PIGG: variants seen among roughly 807,000 people sequenced by gnomAD.
The protein encoded by PIGG is phosphatidylinositol glycan anchor biosynthesis class G (EMM blood group), also known as GPI ethanolamine phosphate transferase 2, catalytic subunit.
Under a neutral mutation model 83.2 loss-of-function variants are expected in PIGG, and 70 were observed. The observed-to-expected ratio is 0.84, with a 90% CI of 0.69 to 1.03. PIGG has a LOEUF of 1.03. Ranked by LOEUF, PIGG falls within the 50% of genes least tolerant of loss-of-function variation. The probability of loss-of-function intolerance (pLI) is 0.00; values close to 1 mark genes in which losing one functional copy is unlikely to be tolerated. For synonymous variants in PIGG, 532 were observed against 519.5 expected (o/e 1.02, Z -0.33); for missense variants, 1,257 against 1,233.6 (o/e 1.02, Z -0.28).
chr4:499,719 C>T lies in PIGG; in HGVS notation c.154+230C>T, dbSNP rs190369535. On this transcript the variant is annotated intron_variant, in intron 1 of 12. Coordinates refer to ENST00000453061, the MANE Select transcript of PIGG (RefSeq NM_001127178.3). ...CCACTTCGACCTTCCTTCCTGATCA[C>T]CACAAAGTAAGCTGTGTCCATACCT... 16 of 1,388,732 alleles carry T rather than the reference C, an allele frequency of 1.2e-5. No homozygotes were observed. The Admixed American group carries it at 4.9e-4, about 43-fold the overall frequency. The allele number at this position is 1,388,732 out of a possible 1,614,324, so 86.0% of individuals were successfully genotyped here.
intron 5 of PIGG, among the ~76,000 whole-genome samples, chr4:511,536 CTG>C (rs1437809264): frequency 1.3e-5 from 2 of 152,162 alleles, no homozygotes; most frequent in Admixed American, 6.5e-5. Context: ...CCCGCCACCT[CTG>C]TGCTGTTATT....
chr4:520,026 T>C (rs1489646324), intron 6 of PIGG, among the ~76,000 whole-genome samples: 2 of 152,008 alleles, frequency 1.3e-5, no homozygotes, highest in African/African-American at 4.8e-5. Flanking sequence ...CCGGCAGCAG[T>C]GGGGCGGGCC....
chr4:527,496 T>G (rs1350673064), intron 10 of PIGG: 2 of 1,241,934 alleles, frequency 1.6e-6, no homozygotes, highest in Non-Finnish European at 2.0e-6. Flanking sequence ...AAGTAAGATT[T>G]TTTAAATTTA....
intron 2 of PIGG, among the ~76,000 whole-genome samples, chr4:502,879 A>G (rs997159784): frequency 3.3e-5 from 5 of 151,836 alleles, no homozygotes; most frequent in Non-Finnish European, 7.4e-5. Context: ...TGAAGAAATT[A>G]TTGACAGTGG....
chr4:517,329 T>C (rs141168611), intron 6 of PIGG, among the ~76,000 whole-genome samples: 161 of 152,228 alleles, frequency 1.1e-3, no homozygotes, highest in Admixed American at 3.2e-3. Flanking sequence ...CTGGAAAGAT[T>C]CTGAAGGTCA....
At chr4:510,460 G>A (rs782131995) in intron 5 of PIGG, among the ~76,000 whole-genome samples, 14 of 152,326 alleles carry the variant, frequency 9.2e-5, no homozygotes, top group Middle Eastern at 3.4e-3. Context: ...GGGCGTCATG[G>A]CCATCATGAA....
chr4:526,259 C>T (rs535136363), intron 9 of PIGG, among the ~76,000 whole-genome samples: 41 of 152,366 alleles, frequency 2.7e-4, no homozygotes, highest in African/African-American at 9.4e-4. Flanking sequence ...CCCAGGTACC[C>T]CTTCCCGGGG....
chr4:499,424 C>G lies in PIGG; in HGVS notation c.89C>G (p.Ala30Gly). The G allele has an allele frequency of 1.9e-6, 3 of 1,607,786 alleles. No homozygotes were observed. Among genetic ancestry groups the G allele is most frequent in the Non-Finnish European group, 2.5e-6 (3 of 1,179,724 alleles). The change falls in exon 1 of 13, where the codon GCT becomes GGT. Residue 30 changes from alanine (A) to glycine (G), a missense_variant. Coordinates refer to ENST00000453061, the MANE Select transcript of PIGG (RefSeq NM_001127178.3). ...IAVFLRGFFPAPVRSSARAEH... is the reference protein window; with the variant it reads ...IAVFLRGFFPGPVRSSARAEH... ...GTCTTCCTTCGGGGATTCTTCCCGGCTCCCGTTCGTTCCTCTGCCAGAGCG... is the reference window on the plus strand; with the variant it reads ...GTCTTCCTTCGGGGATTCTTCCCGGGTCCCGTTCGTTCCTCTGCCAGAGCG...
intron 10 of PIGG, 174 bp downstream of exon 10, chr4:527,404 T>G: frequency 7.4e-7 from 1 of 1,350,576 alleles, no homozygotes; most frequent in Non-Finnish European, 9.5e-7. Context: ...GCTACTGGAG[T>G]GTAACTAAGA....
chr4:507,399 T>C lies in PIGG; in HGVS notation c.571-6T>C. ...AGTTGTTTATACGTGTGTTTCCCCT[T>C]CAAAGGTGGATAATAATGTCACGAG... On this transcript the variant is annotated splice_polypyrimidine_tract_variant and splice_region_variant and intron_variant, in intron 3 of 12. Coordinates refer to ENST00000453061, the MANE Select transcript of PIGG (RefSeq NM_001127178.3). 1 of 1,604,546 alleles carries C rather than the reference T, an allele frequency of 6.2e-7. No individual in the cohort carries two copies. The highest frequency in any genetic ancestry group is 8.5e-7 in the Non-Finnish European group (1 of 1,173,028).
Position 515,920 on chromosome 4 carries a change from A to G in PIGG, c.902-53A>G, listed in dbSNP as rs538614010. On this transcript the variant is annotated intron_variant, in intron 5 of 12. Transcript: ENST00000453061. The surrounding 1 kb of genome is among the most constrained non-coding windows in gnomAD (Gnocchi z 4.2). ...TAGAAGGTCTAATTCAAGAATGAGT[A>G]CCATCTTACACTTTCTAGAAGTCTG... is the stretch of plus-strand genomic sequence containing the variant. The G allele has an allele frequency of 2.3e-3, 3,253 of 1,390,318 alleles. 10 individuals carry two copies. The highest frequency in any genetic ancestry group is 2.7e-3 in the Non-Finnish European group (2,653 of 976,768). The allele number at this position is 1,390,318 out of a possible 1,614,324, so 86.1% of individuals were successfully genotyped here.
intron 9 of PIGG, chr4:525,099 T>A: frequency 1.3e-6 from 1 of 749,060 alleles, no homozygotes. Context: ...GCAGCCTCTG[T>A]GGGCCAGCTT....
At chr4:538,596 A>C (rs545383054) in intron 12 of PIGG, among the ~76,000 whole-genome samples, 4 of 152,366 alleles carry the variant, frequency 2.6e-5, no homozygotes, top group African/African-American at 9.6e-5. Context: ...GCTGTTTTAC[A>C]GATGACGGTG....
At position 533,975 on chromosome 4, in the gene PIGG, C is replaced by T. The variant is rs1553900095; in HGVS notation, c.2729C>T (p.Thr910Ile). 1 of 1,614,044 alleles carries T rather than the reference C, an allele frequency of 6.2e-7. No homozygotes were observed. Among genetic ancestry groups the T allele is most frequent in the Non-Finnish European group, 8.5e-7 (1 of 1,179,874 alleles). Reference sequence around the variant, plus strand: ...TTAGTGCACTTCCTGAGCTCAGAAACACGCAGGTGAGGCGCCTCTCTGCCG... The same window carrying T: ...TTAGTGCACTTCCTGAGCTCAGAAATACGCAGGTGAGGCGCCTCTCTGCCG... ...SHLVHFLSSE[T>I]RSGSALSHAC... Residue 910 changes from threonine (T) to isoleucine (I), a missense_variant, in exon 12 of 13, where the codon ACA (threonine) becomes ATA (isoleucine). Coordinates refer to ENST00000453061, the MANE Select transcript of PIGG (RefSeq NM_001127178.3).
intron 10 of PIGG, 36 bp downstream of exon 10, chr4:527,266 C>G: frequency 6.5e-7 from 1 of 1,532,608 alleles, no homozygotes. Context: ...CATAGAGCCA[C>G]TTTACTGTTT....
chr4:535,356 T>A (rs1407275183), intron 12 of PIGG, among the ~76,000 whole-genome samples: 1 of 109,794 alleles, frequency 9.1e-6, no homozygotes, highest in Non-Finnish European at 1.8e-5. Context: ...TCCACGCTTG[T>A]CCCTGCTGCC....
chr4:529,280 T>C (rs1351169998), intron 10 of PIGG, among the ~76,000 whole-genome samples: 1 of 152,212 alleles, frequency 6.6e-6, no homozygotes, highest in Non-Finnish European at 1.5e-5. Flanking sequence ...CTCCCTTCTT[T>C]GAATGCAGAT....
At chr4:525,359 TA>T in intron 9 of PIGG, 1 of 985,404 alleles carries the variant, frequency 1.0e-6, no homozygotes, top group Non-Finnish European at 1.2e-6. Flanking sequence ...CTTAGGAAAC[TA>T]AAGCAAAAGA....
chr4:520,005 G>A (rs1486667735), intron 6 of PIGG, among the ~76,000 whole-genome samples: 1 of 150,430 alleles, frequency 6.6e-6, no homozygotes, highest in African/African-American at 2.4e-5. Context: ...TTCACGCTCA[G>A]GGACCTGGTG....
Sources: gnomAD v4.1 joint callset for allele counts (sites outside exome capture counted in the v4.1 genomes callset) on GRCh38, gnomAD v4.1.1 for gene constraint, Gnocchi (gnomAD v3.1) non-coding constraint, MANE v1.5 for transcripts, NCBI Gene and HGNC (gene_info 2026-07-23, HGNC 2026-07-21) for gene names.